Variants in HACD4 observed in about 807,000 individuals in gnomAD.
HACD4 encodes the protein 3-hydroxyacyl-CoA dehydratase 4.
HACD4 carries 35 observed loss-of-function variants against 33.3 expected under a neutral mutation model. The observed-to-expected ratio is 1.05, with a 90% confidence interval of 0.80 to 1.39. The LOEUF is 1.39. HACD4 is among the 40% of genes most tolerant of loss of function. The probability of loss-of-function intolerance (pLI) is 0.00; values close to 1 mark genes in which losing one functional copy is unlikely to be tolerated. For missense variants in HACD4, 323 were observed against 276.5 expected, an observed-to-expected ratio of 1.17 and a Z score of -1.19; for synonymous variants, 118 against 98.0, an observed-to-expected ratio of 1.20 and a Z score of -1.21.
rs567716128 is a variant in HACD4, at chr9:21,004,675, T to C, written c.*2362A>G. The C allele has an allele frequency of 2.4e-3, 361 of 153,106 alleles. 1 individual carries two copies. The highest frequency in any genetic ancestry group is 3.3e-3 in the Non-Finnish European group (225 of 68,652). 9.5% of individuals were successfully genotyped at this position (153,106 alleles called of 1,614,324 possible). On this transcript the variant is annotated 3_prime_UTR_variant, in exon 7 of 7. Coordinates refer to ENST00000495827, the MANE Select transcript of HACD4 (RefSeq NM_001010915.5). The surrounding 1 kb of genome is among the most constrained non-coding windows in gnomAD (Gnocchi z 4.6). ...CCTGCCTCCAGAACTGTGAGAAATA[T>C]ATTTGTTGTCTAAGCCACCCAGTTT...
Position 21,006,449 on chromosome 9 carries a change from C to T in HACD4, c.*588G>A, listed in dbSNP as rs1349738873. Reference sequence around the variant, plus strand: ...TGAGAAGCGTTTGCTGTTGTTTAAGCCATTCGGTTTATGGTGTTCTATTAT... The same window carrying T: ...TGAGAAGCGTTTGCTGTTGTTTAAGTCATTCGGTTTATGGTGTTCTATTAT... On this transcript the variant is annotated 3_prime_UTR_variant, in exon 7 of 7. Transcript: ENST00000495827. The surrounding 1 kb of genome is among the most constrained non-coding windows in gnomAD (Gnocchi z 4.6). 2.0e-5 allele frequency: 3 copies of T among 153,792 alleles called. No individual in the cohort carries two copies. The highest frequency in any genetic ancestry group is 1.3e-4 in the Admixed American group (2 of 15,296). The allele number at this position is 153,792 out of a possible 1,614,324, so 9.5% of individuals were successfully genotyped here.
Position 21,007,153 on chromosome 9 carries a change from A to G in HACD4, c.617-34T>C, listed in dbSNP as rs768970876. 5.7e-6 allele frequency: 6 copies of G among 1,059,396 alleles called. No individual in the cohort carries two copies. The African/African-American group carries it at 9.4e-5, about 17-fold the overall frequency. 65.6% of individuals were successfully genotyped at this position (1,059,396 alleles called of 1,614,324 possible). A position where few individuals can be genotyped will look rare whatever the true frequency, so the allele number is the denominator to read the frequency against. On this transcript the variant is annotated intron_variant, in intron 6 of 6. Coordinates refer to ENST00000495827, the MANE Select transcript of HACD4 (RefSeq NM_001010915.5). ...GAGAAAGAAGTTGCAAAAGTAAGTAAGGTTAACTATTTCTCTGGAAGAAAC... is the reference window on the plus strand; with the variant it reads ...GAGAAAGAAGTTGCAAAAGTAAGTAGGGTTAACTATTTCTCTGGAAGAAAC...
chr9:21,000,111 A>G lies in HACD4; in HGVS notation c.*6926T>C, dbSNP rs1842144667. The G allele has an allele frequency of 6.6e-6, 1 of 152,160 alleles. No individual in the cohort carries two copies. The highest frequency in any genetic ancestry group is 2.1e-4 in the South Asian group (1 of 4,828). 9.4% of individuals were successfully genotyped at this position (152,160 alleles called of 1,614,324 possible). ...GAACCCCATCATTCAGCTGAATACC[A>G]TGAAGTAACAATAGACACCTACATG... On this transcript the variant is annotated 3_prime_UTR_variant, in exon 7 of 7. Coordinates refer to ENST00000495827, the MANE Select transcript of HACD4 (RefSeq NM_001010915.5).
chr9:21,021,259 G>A (rs546650066), intron 3 of HACD4, among the ~76,000 whole-genome samples: 4 of 152,090 alleles, frequency 2.6e-5, no homozygotes, highest in East Asian at 3.9e-4. Flanking sequence ...ATGACAAACC[G>A]ACAGCCAATA....
intron 5 of HACD4, among the ~76,000 whole-genome samples, chr9:21,008,372 C>T (rs540349728): frequency 6.6e-6 from 1 of 152,096 alleles, no homozygotes; most frequent in African/African-American, 2.4e-5. Context: ...CCATGGTATA[C>T]CTTATTGTGC....
chr9:21,008,881 A>T (rs1214231737), intron 5 of HACD4, among the ~76,000 whole-genome samples: 2 of 152,084 alleles, frequency 1.3e-5, no homozygotes, highest in Non-Finnish European at 2.9e-5. Flanking sequence ...GCAATTTCTT[A>T]TGGGTCAAAA....
chr9:21,011,032 G>A (rs1842413688), intron 5 of HACD4, among the ~76,000 whole-genome samples: 1 of 152,154 alleles, frequency 6.6e-6, no homozygotes, highest in Non-Finnish European at 1.5e-5. Context: ...GGTTCTTAAT[G>A]GGCCACAGAC....
At chr9:21,018,955 T>C (rs1215656996) in intron 3 of HACD4, among the ~76,000 whole-genome samples, 5 of 152,110 alleles carry the variant, frequency 3.3e-5, no homozygotes, top group Non-Finnish European at 7.4e-5. Flanking sequence ...GAAAAATTAA[T>C]TTCTAGAATC....
chr9:21,011,481 A>G, intron 5 of HACD4, 108 bp downstream of exon 5: 1 of 709,858 alleles, frequency 1.4e-6, no homozygotes, highest in Non-Finnish European at 2.5e-6. Context: ...ACACTGAGTG[A>G]GCTAAGCATT....
intron 1 of HACD4, 73 bp from the exon 2 acceptor site, chr9:21,029,471 A>G: frequency 3.3e-6 from 3 of 920,276 alleles, no homozygotes; most frequent in Non-Finnish European, 5.0e-6. Flanking sequence ...CATGCCCTTT[A>G]ATGTACTGGC....
At chr9:21,011,548 C>A in intron 5 of HACD4, 41 bp downstream of exon 5, 1 of 1,225,208 alleles carries the variant, frequency 8.2e-7, no homozygotes, top group Admixed American at 1.8e-5. Flanking sequence ...AACTAGATGG[C>A]TTTTGTCAGT....
chr9:21,011,960 A>G (rs891075685), intron 4 of HACD4, among the ~76,000 whole-genome samples: 4 of 152,244 alleles, frequency 2.6e-5, no homozygotes, highest in African/African-American at 9.6e-5. Context: ...ATACAGTTAC[A>G]AATTTCCTTG....
At chr9:21,013,734 T>C (rs1322734420) in intron 4 of HACD4, among the ~76,000 whole-genome samples, 9 of 152,216 alleles carry the variant, frequency 5.9e-5, no homozygotes, top group Non-Finnish European at 1.2e-4. Context: ...TATTCCTAAG[T>C]ACTTTATTAT....
At chr9:21,022,717 A>G (rs1817953171) in intron 3 of HACD4, among the ~76,000 whole-genome samples, 1 of 150,588 alleles carries the variant, frequency 6.6e-6, no homozygotes, top group Admixed American at 6.6e-5. Flanking sequence ...GTCAGGAAAC[A>G]ACAGGTGCTG....
intron 5 of HACD4, 105 bp downstream of exon 5, chr9:21,011,484 T>C (rs1029527396): frequency 1.4e-6 from 1 of 723,512 alleles, no homozygotes; most frequent in Admixed American, 2.2e-5. Context: ...CTGAGTGAGC[T>C]AAGCATTCGC....
rs1304911558 is a variant in HACD4 at position 21,002,848 on chromosome 9, T to C, written c.*4189A>G. The C allele has an allele frequency of 6.6e-6, 1 of 152,122 alleles. No individual in the cohort carries two copies. The highest frequency in any genetic ancestry group is 1.5e-5 in the Non-Finnish European group (1 of 67,966). 9.4% of individuals were successfully genotyped at this position (152,122 alleles called of 1,614,324 possible). A position where few individuals can be genotyped will look rare whatever the true frequency, so the allele number is the denominator to read the frequency against. On this transcript the variant is annotated 3_prime_UTR_variant, in exon 7 of 7. Coordinates refer to ENST00000495827, the MANE Select transcript of HACD4 (RefSeq NM_001010915.5). ...TTTGTCTACACTGTACAAAATGAAA[T>C]AGGGATTTGGTGAACATACAGTTAA...
At chr9:21,010,929 A>T (rs1456254066) in intron 5 of HACD4, among the ~76,000 whole-genome samples, 1 of 152,154 alleles carries the variant, frequency 6.6e-6, no homozygotes, top group Non-Finnish European at 1.5e-5. Context: ...CAGGAGGTAG[A>T]GCTCAGGCGA....
In HACD4 at chr9:21,015,962, C is replaced by T. The variant is rs770205383; in HGVS notation, c.319G>A (p.Glu107Lys). The T allele has an allele frequency of 1.2e-6, 2 of 1,613,382 alleles. No homozygotes were observed. The highest frequency in any genetic ancestry group is 2.2e-5 in the South Asian group (2 of 91,050). ...ILFVVITSQEEVQEKYVVCVL... is the reference protein window; with the variant it reads ...ILFVVITSQEKVQEKYVVCVL... Reference sequence around the variant, plus strand: ...CACACCACATATTTCTCTTGGACTTCCTCTTGACTGGTGATCACCACAAAA... The same window carrying T: ...CACACCACATATTTCTCTTGGACTTTCTCTTGACTGGTGATCACCACAAAA... The change falls in exon 4 of 7, where the codon GAA becomes AAA. Residue 107 changes from glutamate (E) to lysine (K), a missense_variant. Transcript: ENST00000495827.
At chr9:21,020,775 T>G (rs761428014) in intron 3 of HACD4, among the ~76,000 whole-genome samples, 4 of 152,200 alleles carry the variant, frequency 2.6e-5, no homozygotes, top group Non-Finnish European at 5.9e-5. Flanking sequence ...GTGTAATTAT[T>G]TCAAAAATTG....
Sources: gnomAD v4.1 joint callset for allele counts (sites outside exome capture counted in the v4.1 genomes callset) on GRCh38, gnomAD v4.1.1 for gene constraint, Gnocchi (gnomAD v3.1) non-coding constraint, MANE v1.5 for transcripts, NCBI Gene and HGNC (gene_info 2026-07-23, HGNC 2026-07-21) for gene names.